The following PDE4B variants were observed in gnomAD, a reference collection of about 807,000 sequenced individuals.
The protein encoded by PDE4B is 3',5'-cyclic-AMP phosphodiesterase 4B.
PDE4B carries 20 observed loss-of-function variants against 82.2 expected under a neutral mutation model. The observed-to-expected ratio is 0.24, with a 90% confidence interval of 0.17 to 0.35. The LOEUF (loss-of-function observed/expected upper bound fraction) is 0.35, where lower values mean the gene tolerates loss of function less well. Ranked by LOEUF, PDE4B falls within the 10% of genes least tolerant of loss-of-function variation. The pLI is 1.00. For missense variants in PDE4B, 655 were observed against 907.2 expected, an observed-to-expected ratio of 0.72 and a Z score of 3.57; for synonymous variants, 320 against 318.9, an observed-to-expected ratio of 1.00 and a Z score of -0.04.
chr1:66,089,106 C>G (rs866389546), intron 3 of PDE4B, among the ~76,000 whole-genome samples: 1 of 152,064 alleles, frequency 6.6e-6, no homozygotes, highest in Admixed American at 6.6e-5. Flanking sequence ...GACATGGACT[C>G]AAGTCCTGGC....
At chr1:66,171,976 T>G (rs1184135356) in intron 3 of PDE4B, among the ~76,000 whole-genome samples, 1 of 152,200 alleles carries the variant, frequency 6.6e-6, no homozygotes, top group Non-Finnish European at 1.5e-5. Flanking sequence ...CTGTTTAAGA[T>G]TCAGGGAGTA....
chr1:66,061,795 T>A (rs757654720), intron 3 of PDE4B, among the ~76,000 whole-genome samples: 1 of 152,004 alleles, frequency 6.6e-6, no homozygotes, highest in Non-Finnish European at 1.5e-5. Context: ...TTAGGACAAA[T>A]ACCTAATGCA....
chr1:66,019,169 A>G (rs1652945655), intron 3 of PDE4B, among the ~76,000 whole-genome samples: 1 of 152,156 alleles, frequency 6.6e-6, no homozygotes, highest in Non-Finnish European at 1.5e-5. Context: ...TATTATTGCA[A>G]TAATAACAAA....
At chr1:66,234,604 T>A (rs1464447691) in intron 3 of PDE4B, among the ~76,000 whole-genome samples, 2 of 152,176 alleles carry the variant, frequency 1.3e-5, no homozygotes, top group Non-Finnish European at 2.9e-5. Flanking sequence ...TAATTTTTTT[T>A]ATGATTCTTT....
chr1:66,034,048 A>C (rs1265394180), intron 3 of PDE4B, among the ~76,000 whole-genome samples: 1 of 151,880 alleles, frequency 6.6e-6, no homozygotes, highest in Non-Finnish European at 1.5e-5. Context: ...TTGACTTTCC[A>C]TTTTATGTCT....
chr1:66,292,019 A>G (rs1300707450), intron 7 of PDE4B, among the ~76,000 whole-genome samples: 1 of 152,190 alleles, frequency 6.6e-6, no homozygotes, highest in Non-Finnish European at 1.5e-5. Flanking sequence ...AATGGTACTC[A>G]TTAAGATTGA....
chr1:65,995,073 CA>C (rs906385486), intron 3 of PDE4B, among the ~76,000 whole-genome samples: 30 of 150,986 alleles, frequency 2.0e-4, no homozygotes, highest in Non-Finnish European at 3.0e-4. Context: ...TTACAATTGC[CA>C]AAAAAAATAG....
chr1:65,934,835 G>A (rs1648036690), intron 3 of PDE4B, among the ~76,000 whole-genome samples: 1 of 152,098 alleles, frequency 6.6e-6, no homozygotes, highest in Non-Finnish European at 1.5e-5. Context: ...ACACTTATAT[G>A]TACCCAACAT....
rs896496927 is a variant in PDE4B, at chr1:66,314,040, C to G, written c.635-18468C>G. ...TAAGGCTTTGTGACAATTTTGGACA[C>G]AATTGTCACCCTTTGTGATGATTTT... On this transcript the variant is annotated intron_variant, in intron 7 of 16. Transcript: ENST00000341517. Among the ~76,000 whole-genome samples, 8 of 152,306 alleles carry G rather than the reference C, an allele frequency of 5.3e-5. 2 individuals are homozygous for G. The highest frequency in any genetic ancestry group is 6.5e-5 in the Admixed American group (1 of 15,300).
chr1:66,331,313 A>C (rs879666469), intron 7 of PDE4B, among the ~76,000 whole-genome samples: 4 of 152,202 alleles, frequency 2.6e-5, no homozygotes, highest in African/African-American at 7.2e-5. Context: ...ATCTTGGTAG[A>C]GTTTATAAAT....
At chr1:66,369,445 C>T (rs1275305691) in intron 16 of PDE4B, among the ~76,000 whole-genome samples, 1 of 152,234 alleles carries the variant, frequency 6.6e-6, no homozygotes, top group Non-Finnish European at 1.5e-5. Context: ...TCTTCCCTCC[C>T]AAGGATGCTT....
chr1:66,105,369 A>G lies in PDE4B; in HGVS notation c.282-142091A>G, dbSNP rs900961955. Reference sequence around the variant, plus strand: ...CTTGTAGTATAGTTTGAAGTCAGGTAGCGTGATGCCTCCAGCTTTGTTCTT... The same window carrying G: ...CTTGTAGTATAGTTTGAAGTCAGGTGGCGTGATGCCTCCAGCTTTGTTCTT... On this transcript the variant is annotated intron_variant, in intron 3 of 16. Coordinates refer to ENST00000341517, the MANE Select transcript of PDE4B (RefSeq NM_002600.4). Among the ~76,000 whole-genome samples the G allele has an allele frequency of 4.3e-3, 653 of 152,038 alleles. 6 individuals carry two copies. The highest frequency in any genetic ancestry group is 0.015 in the African/African-American group (609 of 41,486).
rs375732602 is a variant in PDE4B at position 65,947,252 on chromosome 1, G to A, written c.281+28417G>A. On this transcript the variant is annotated intron_variant, in intron 3 of 16. Coordinates refer to ENST00000341517, the MANE Select transcript of PDE4B (RefSeq NM_002600.4). ...GTTTATGTGAATGAGAACTTCTTCC[G>A]ATCCTTCTTTCTGATAAAAATGAAA... 5.0e-3 allele frequency among the ~76,000 whole-genome samples: 755 copies of A among 152,134 alleles called. 4 individuals carry two copies. Among genetic ancestry groups the A allele is most frequent in the African/African-American group, 0.017 (718 of 41,532 alleles).
At chr1:65,953,487 A>G (rs543816890) in intron 3 of PDE4B, among the ~76,000 whole-genome samples, 8 of 152,200 alleles carry the variant, frequency 5.3e-5, no homozygotes, top group African/African-American at 1.9e-4. Context: ...AGATGTAACA[A>G]AGGAAGCCAA....
At chr1:66,150,205 G>T (rs1024684942) in intron 3 of PDE4B, among the ~76,000 whole-genome samples, 1 of 151,980 alleles carries the variant, frequency 6.6e-6, no homozygotes, top group Admixed American at 6.6e-5. Flanking sequence ...TTTCAAGATG[G>T]TGTTGGCTAT....
intron 3 of PDE4B, among the ~76,000 whole-genome samples, chr1:66,159,776 T>C (rs1452431478): frequency 2.6e-5 from 4 of 152,190 alleles, no homozygotes; most frequent in Non-Finnish European, 5.9e-5. Flanking sequence ...AAGTGTTCCC[T>C]ACACTTTCCT....
At chr1:66,180,995 G>A (rs552543625) in intron 3 of PDE4B, among the ~76,000 whole-genome samples, 25 of 152,158 alleles carry the variant, frequency 1.6e-4, no homozygotes, top group African/African-American at 5.8e-4. Flanking sequence ...CTGTGCATAT[G>A]CAGAGTAATT....
intron 3 of PDE4B, among the ~76,000 whole-genome samples, chr1:65,969,059 C>T (rs77908993): frequency 0.031 from 4,676 of 152,134 alleles, 236 homozygotes; most frequent in African/African-American, 0.11. Flanking sequence ...TGAGAAACAC[C>T]GTACTTTTTC....
At chr1:66,173,976 G>A (rs1055947169) in intron 3 of PDE4B, among the ~76,000 whole-genome samples, 11 of 152,126 alleles carry the variant, frequency 7.2e-5, no homozygotes, top group Admixed American at 7.2e-4. Context: ...TGGTAGAGAT[G>A]GGTTTTTGCT....
Sources: allele counts gnomAD v4.1 joint callset (sites outside exome capture counted in the v4.1 genomes callset), GRCh38; gene constraint gnomAD v4.1.1; transcripts MANE v1.5; gene names NCBI Gene and HGNC (gene_info 2026-07-23, HGNC 2026-07-21).